RREB1: variants seen among roughly 807,000 people sequenced by gnomAD.
The protein encoded by RREB1 is ras responsive element binding protein 1.
Under a neutral mutation model 117.8 loss-of-function variants are expected in RREB1, and 27 were observed. The observed-to-expected ratio is 0.23, with a 90% CI of 0.17 to 0.32. The LOEUF (loss-of-function observed/expected upper bound fraction) is 0.32. Ranked by LOEUF, RREB1 falls within the 10% of genes least tolerant of loss-of-function variation. RREB1 has a pLI of 1.00. For missense variants in RREB1, 2,577 were observed against 2,378.2 expected, an observed-to-expected ratio of 1.08 and a Z score of -1.74; for synonymous variants, 1,298 against 1,026.7, an observed-to-expected ratio of 1.26 and a Z score of -5.05.
intron 1 of RREB1, among the ~76,000 whole-genome samples, chr6:7,161,284 A>G (rs574546817): frequency 2.6e-5 from 4 of 151,790 alleles, no homozygotes; most frequent in Non-Finnish European, 5.9e-5. Context: ...ATGAACTGAA[A>G]CTCTAGTCAA....
chr6:7,228,926 A>C, intron 9 of RREB1, 71 bp from the exon 10 acceptor site: 1 of 1,344,762 alleles, frequency 7.4e-7, no homozygotes, highest in South Asian at 1.9e-5. Flanking sequence ...TACTTTGTGC[A>C]TCTCCGTTTA....
chr6:7,193,713 C>A (rs745984874), intron 6 of RREB1, among the ~76,000 whole-genome samples: 3 of 152,246 alleles, frequency 2.0e-5, no homozygotes, highest in Admixed American at 6.5e-5. Flanking sequence ...TCATATACAC[C>A]TTATACACAT....
At chr6:7,224,864 A>T (rs1443873501) in intron 8 of RREB1, among the ~76,000 whole-genome samples, 1 of 152,158 alleles carries the variant, frequency 6.6e-6, no homozygotes, top group East Asian at 1.9e-4. Context: ...TGAGTGGCTC[A>T]TGGGAACCCG....
At chr6:7,108,595 C>T (rs915903252) in intron 1 of RREB1, 1 of 152,376 alleles carries the variant, frequency 6.6e-6, no homozygotes, top group Admixed American at 6.5e-5. Context: ...CCCTCGACAT[C>T]CTCCCCCCCA....
chr6:7,181,794 G>A (rs1453603073), intron 3 of RREB1, 76 bp from the exon 4 acceptor site: 1 of 1,006,198 alleles, frequency 9.9e-7, no homozygotes, highest in Non-Finnish European at 1.6e-6. Context: ...AATTAGAGTA[G>A]CCATGGCCAG....
At chr6:7,137,967 G>A (rs1368848858) in intron 1 of RREB1, among the ~76,000 whole-genome samples, 1 of 152,008 alleles carries the variant, frequency 6.6e-6, no homozygotes, top group Non-Finnish European at 1.5e-5. Context: ...CTTTTCAATA[G>A]CCCTCCTCAC....
chr6:7,128,950 C>CA (rs1243865062), intron 1 of RREB1, among the ~76,000 whole-genome samples: 1 of 152,178 alleles, frequency 6.6e-6, no homozygotes, highest in Non-Finnish European at 1.5e-5. Flanking sequence ...GCTTGGGCAA[C>CA]AGAGTGAGAC....
intron 1 of RREB1, among the ~76,000 whole-genome samples, chr6:7,152,040 G>C (rs905971795): frequency 6.6e-6 from 1 of 152,204 alleles, no homozygotes; most frequent in Non-Finnish European, 1.5e-5. Flanking sequence ...CATACACAAG[G>C]ACATTGATTT....
intron 6 of RREB1, among the ~76,000 whole-genome samples, chr6:7,201,728 G>T (rs975234154): frequency 2.0e-4 from 31 of 152,086 alleles, no homozygotes; most frequent in African/African-American, 6.8e-4. Flanking sequence ...TTGCATAATG[G>T]GTTCATTGGT....
At chr6:7,139,485 A>G (rs951066798) in intron 1 of RREB1, among the ~76,000 whole-genome samples, 36 of 152,218 alleles carry the variant, frequency 2.4e-4, no homozygotes, top group African/African-American at 7.7e-4. Context: ...TTAACTTTAC[A>G]TTTGGAGTTA....
chr6:7,201,855 C>T (rs1766004219), intron 6 of RREB1, among the ~76,000 whole-genome samples: 1 of 152,118 alleles, frequency 6.6e-6, no homozygotes, highest in East Asian at 1.9e-4. Context: ...GCTGCAGGTT[C>T]TTCTGGGGCC....
chr6:7,187,930 C>T (rs528554729), intron 5 of RREB1, among the ~76,000 whole-genome samples: 5 of 152,222 alleles, frequency 3.3e-5, no homozygotes, highest in South Asian at 4.1e-4. Context: ...CCAAGATAGG[C>T]GGATCACTTG....
chr6:7,187,351 G>A (rs1409965601), intron 4 of RREB1, 83 bp from the exon 5 acceptor site: 2 of 823,018 alleles, frequency 2.4e-6, no homozygotes, highest in Non-Finnish European at 4.0e-6. Flanking sequence ...AGACACAAGT[G>A]CTTATTACAC....
chr6:7,161,921 G>A (rs974594272), intron 1 of RREB1, among the ~76,000 whole-genome samples: 20 of 152,198 alleles, frequency 1.3e-4, no homozygotes, highest in African/African-American at 4.8e-4. Flanking sequence ...AGCTTTTTAA[G>A]CTGTGGATAC....
At chr6:7,141,498 G>A (rs1247393666) in intron 1 of RREB1, among the ~76,000 whole-genome samples, 3 of 152,118 alleles carry the variant, frequency 2.0e-5, no homozygotes, top group Admixed American at 6.5e-5. Flanking sequence ...TTGGCTAGAG[G>A]GCATTTAGCC....
At chr6:7,235,212 G>A (rs756495663) in intron 10 of RREB1, among the ~76,000 whole-genome samples, 6 of 152,162 alleles carry the variant, frequency 3.9e-5, no homozygotes, top group South Asian at 2.1e-4. Flanking sequence ...ATCCAGTGTC[G>A]TGTTAGAGCA....
intron 1 of RREB1, among the ~76,000 whole-genome samples, chr6:7,128,530 T>G (rs769175700): frequency 6.6e-6 from 1 of 152,202 alleles, no homozygotes; most frequent in Non-Finnish European, 1.5e-5. Context: ...GACAGGAAAC[T>G]GAGGCTTAGA....
chr6:7,108,260 G>C lies in RREB1; in HGVS notation c.-285+200G>C, dbSNP rs575686469. Among the ~76,000 whole-genome samples, 503 of 152,058 alleles carry C rather than the reference G, an allele frequency of 3.3e-3. 4 individuals carry two copies. Among genetic ancestry groups the C allele is most frequent in the African/African-American group, 0.012 (483 of 41,546 alleles). On this transcript the variant is annotated intron_variant, in intron 1 of 12. Coordinates refer to ENST00000379938, the MANE Select transcript of RREB1 (RefSeq NM_001003699.4). ...CCGCGCAGCGTGCGCTCGGGCCGGC[G>C]GGGCGGCCAGGGATGAGCGGGGCAG...
chr6:7,230,022 G>A lies in RREB1; in HGVS notation c.1923G>A (p.Val641=). ...AGAAGACGCCCGCCATGCGCAAGGTGCTCTACCCCTGCCGCTTCTGCAACC... is the reference window on the plus strand; with the variant it reads ...AGAAGACGCCCGCCATGCGCAAGGTACTCTACCCCTGCCGCTTCTGCAACC... ...GGKKTPAMRK[V]LYPCRFCNQV... is the part of the protein sequence containing the mutation. The change falls in exon 10 of 13, where the codon GTG becomes GTA. Residue 641 remains valine (V), a synonymous_variant. Transcript: ENST00000379938. 2 of 1,611,232 alleles carry A rather than the reference G, an allele frequency of 1.2e-6. No homozygotes were observed. Among genetic ancestry groups the A allele is most frequent in the Non-Finnish European group, 1.7e-6 (2 of 1,178,212 alleles).
Sources: gnomAD v4.1 joint callset for allele counts (sites outside exome capture counted in the v4.1 genomes callset) on GRCh38, gnomAD v4.1.1 for gene constraint, MANE v1.5 for transcripts, NCBI Gene and HGNC (gene_info 2026-07-23, HGNC 2026-07-21) for gene names.